Variants in GPR158 observed in about 807,000 individuals in gnomAD.
GPR158 encodes the protein metabotropic glycine receptor.
In GPR158, 30 loss-of-function variants were observed where a neutral mutation model predicts 78.2. That is an observed-to-expected ratio of 0.38 (90% CI 0.29 to 0.52). The LOEUF (loss-of-function observed/expected upper bound fraction) is 0.52. Among genes scored for constraint, GPR158 ranks in the 20% least tolerant of loss-of-function variants. The pLI is 0.83. For missense variants in GPR158, 1,463 were observed against 1,523.5 expected (o/e 0.96, Z 0.66); for synonymous variants, 581 against 591.1 (o/e 0.98, Z 0.25).
intron 1 of GPR158, among the ~76,000 whole-genome samples, chr10:25,189,787 T>TA (rs151230094): frequency 0.014 from 1,858 of 130,572 alleles, 24 homozygotes; most frequent in Non-Finnish European, 0.023. Context: ...AAGTATAATT[T>TA]AAAAAAAAAA....
intron 5 of GPR158, among the ~76,000 whole-genome samples, chr10:25,476,738 A>G (rs1231126973): frequency 6.6e-6 from 1 of 152,060 alleles, no homozygotes; most frequent in East Asian, 1.9e-4. Flanking sequence ...AGTACTTCTC[A>G]CAGAGGATAT....
At chr10:25,337,317 A>G (rs1855222812) in intron 2 of GPR158, among the ~76,000 whole-genome samples, 1 of 152,102 alleles carries the variant, frequency 6.6e-6, no homozygotes. Context: ...TGCTTTGTGC[A>G]GTCAACACCA....
chr10:25,323,113 G>A (rs1854978497), intron 2 of GPR158, among the ~76,000 whole-genome samples: 4 of 152,020 alleles, frequency 2.6e-5, no homozygotes, highest in Admixed American at 2.6e-4. Flanking sequence ...CCAAAGTGCT[G>A]GGATTACAGT....
At chr10:25,583,658 T>TA (rs150643633) in intron 7 of GPR158, among the ~76,000 whole-genome samples, 1 of 62,824 alleles carries the variant, frequency 1.6e-5, no homozygotes, top group Non-Finnish European at 3.7e-5. Flanking sequence ...ATTGTAAATA[T>TA]TTTTTTTTTA....
chr10:25,599,017 A>T lies in GPR158; in HGVS notation c.3391A>T (p.Asn1131Tyr). The change falls in exon 11 of 11, where the codon AAT (asparagine) becomes TAT (tyrosine). Residue 1131 changes from asparagine to tyrosine, a missense_variant. Transcript: ENST00000376351. ...PPKAVASKTE[N>Y]ENLNQIGHQE... ...CAAAGCTGTAGCATCAAAAACAGAG[A>T]ATGAAAATCTCAACCAAATAGGACA... is the stretch of plus-strand genomic sequence containing the variant. 6.2e-7 allele frequency: 1 copy of T among 1,614,152 alleles called. No individual in the cohort carries two copies. The highest frequency in any genetic ancestry group is 8.5e-7 in the Non-Finnish European group (1 of 1,180,026).
chr10:25,197,416 T>C (rs1852857602), intron 1 of GPR158, among the ~76,000 whole-genome samples: 1 of 152,282 alleles, frequency 6.6e-6, no homozygotes, highest in Admixed American at 6.5e-5. Flanking sequence ...TATTAGGATC[T>C]AGAAAAAAAT....
At chr10:25,236,663 T>C (rs1853531248) in intron 2 of GPR158, among the ~76,000 whole-genome samples, 1 of 152,156 alleles carries the variant, frequency 6.6e-6, no homozygotes. Flanking sequence ...TTTGGCCACC[T>C]GATCGAGTCA....
At chr10:25,400,456 G>T (rs1305041112) in intron 3 of GPR158, among the ~76,000 whole-genome samples, 3 of 152,072 alleles carry the variant, frequency 2.0e-5, no homozygotes, top group African/African-American at 7.2e-5. Context: ...CAAATGACTC[G>T]TGAAGACCAA....
chr10:25,377,774 G>A (rs188019119), intron 2 of GPR158, among the ~76,000 whole-genome samples: 41 of 151,810 alleles, frequency 2.7e-4, no homozygotes, highest in African/African-American at 5.1e-4. Flanking sequence ...TTATCCATTC[G>A]TCAGCTGATG....
chr10:25,503,256 A>C (rs1457571899), intron 5 of GPR158, among the ~76,000 whole-genome samples: 1 of 151,978 alleles, frequency 6.6e-6, no homozygotes, highest in Non-Finnish European at 1.5e-5. Flanking sequence ...ACATGCCTCT[A>C]GTCCTAGCTA....
chr10:25,206,100 C>T (rs1853025590), intron 1 of GPR158, among the ~76,000 whole-genome samples: 1 of 151,810 alleles, frequency 6.6e-6, no homozygotes, highest in South Asian at 2.1e-4. Flanking sequence ...ATTCTCCTGC[C>T]TCAGCCTCCC....
At chr10:25,314,885 A>ATATATATATATATATATG (rs1329409723) in intron 2 of GPR158, among the ~76,000 whole-genome samples, 2 of 120,298 alleles carry the variant, frequency 1.7e-5, no homozygotes, top group African/African-American at 3.4e-5. Flanking sequence ...ATATATATAT[A>ATATATATATATATATATG]TGACTAATGA....
chr10:25,317,676 G>A (rs1854875488), intron 2 of GPR158, among the ~76,000 whole-genome samples: 1 of 149,540 alleles, frequency 6.7e-6, no homozygotes, highest in Admixed American at 6.6e-5. Context: ...TAAATCAGCT[G>A]AATTGTTTTG....
intron 4 of GPR158, among the ~76,000 whole-genome samples, chr10:25,449,932 A>G (rs186126486): frequency 5.9e-5 from 9 of 152,170 alleles, no homozygotes; most frequent in Admixed American, 2.6e-4. Flanking sequence ...AAATAACGGT[A>G]AAATGTGACT....
At chr10:25,426,976 A>C (rs1239378609) in intron 4 of GPR158, among the ~76,000 whole-genome samples, 2 of 74,352 alleles carry the variant, frequency 2.7e-5, no homozygotes, top group Non-Finnish European at 8.1e-5. Context: ...CAATAATTCA[A>C]ATTAGATAGT....
At chr10:25,431,761 A>C (rs1834910682) in intron 4 of GPR158, among the ~76,000 whole-genome samples, 1 of 152,084 alleles carries the variant, frequency 6.6e-6, no homozygotes, top group Non-Finnish European at 1.5e-5. Context: ...TCGCAAGAAC[A>C]AAAAACCAAA....
At chr10:25,247,399 T>C (rs1853709717) in intron 2 of GPR158, among the ~76,000 whole-genome samples, 1 of 147,618 alleles carries the variant, frequency 6.8e-6, no homozygotes, top group Non-Finnish European at 1.5e-5. Flanking sequence ...TGTGCCATGC[T>C]GGTGCGCTGC....
chr10:25,535,760 G>T lies in GPR158; in HGVS notation c.1405-15216G>T, dbSNP rs1279834901. ...TCTGACTCTGCTTCGACAAAGCTCAGTTTGCCTAGTCTGCTTCTTTCCTCT... is the reference window on the plus strand; with the variant it reads ...TCTGACTCTGCTTCGACAAAGCTCATTTTGCCTAGTCTGCTTCTTTCCTCT... On this transcript the variant is annotated intron_variant, in intron 5 of 10. Coordinates refer to ENST00000376351, the MANE Select transcript of GPR158 (RefSeq NM_020752.3). 2.0e-5 allele frequency among the ~76,000 whole-genome samples: 3 copies of T among 152,160 alleles called. No homozygotes were observed. In the East Asian group the frequency reaches 5.8e-4, roughly 29 times the overall value.
intron 2 of GPR158, among the ~76,000 whole-genome samples, chr10:25,383,486 T>G (rs1015531019): frequency 1.3e-5 from 2 of 151,936 alleles, no homozygotes; most frequent in Non-Finnish European, 2.9e-5. Context: ...ACAAGGGGGG[T>G]TTCGTTTTCA....
Sources: allele counts gnomAD v4.1 joint callset (sites outside exome capture counted in the v4.1 genomes callset), GRCh38; gene constraint gnomAD v4.1.1; transcripts MANE v1.5; gene names NCBI Gene and HGNC (gene_info 2026-07-23, HGNC 2026-07-21).